Variants in GLI3 observed in about 807,000 individuals in gnomAD.
GLI3 encodes transcription activator GLI3.
A neutral mutation model predicts 100.8 loss-of-function variants in GLI3; 20 were observed. That is an observed-to-expected ratio of 0.20 (90% confidence interval 0.14 to 0.29). The LOEUF (loss-of-function observed/expected upper bound fraction) is 0.29, where lower values mean the gene tolerates loss of function less well. GLI3 is among the 10% of genes least tolerant of loss of function. The pLI is 1.00. For missense variants in GLI3, 2,040 were observed against 2,128.5 expected (o/e 0.96, Z 0.82); for synonymous variants, 938 against 860.5 (o/e 1.09, Z -1.58).
intron 2 of GLI3, among the ~76,000 whole-genome samples, chr7:42,170,473 G>A (rs188719865): frequency 0.024 from 3,091 of 127,702 alleles, 47 homozygotes; most frequent in Middle Eastern, 0.085. Context: ...CACAATCTCC[G>A]CTCACTGCAA....
At chr7:42,006,268 G>T (rs776094453) in intron 10 of GLI3, among the ~76,000 whole-genome samples, 28 of 152,184 alleles carry the variant, frequency 1.8e-4, no homozygotes, top group Admixed American at 3.3e-4. Flanking sequence ...CAGAGTTAGT[G>T]GGGGCAGTGG....
chr7:42,252,116 G>T (rs1789039036), intron 1 of GLI3, among the ~76,000 whole-genome samples: 1 of 152,150 alleles, frequency 6.6e-6, no homozygotes, highest in African/African-American at 2.4e-5. Flanking sequence ...AGGATAGACT[G>T]GGTAAAGAAA....
chr7:42,105,288 T>C (rs956507600), intron 3 of GLI3, among the ~76,000 whole-genome samples: 11 of 152,202 alleles, frequency 7.2e-5, no homozygotes, highest in African/African-American at 2.7e-4. Flanking sequence ...CTTCTTTTTT[T>C]TTCTGTTTCA....
At chr7:42,045,623 A>G (rs542223101) in intron 5 of GLI3, 93 bp from the exon 6 acceptor site, 191 of 1,111,602 alleles carry the variant, frequency 1.7e-4, no homozygotes, top group Non-Finnish European at 2.5e-4. Flanking sequence ...CACAACCCAC[A>G]TCAGCAATTC....
chr7:42,101,276 C>A (rs904154651), intron 3 of GLI3, among the ~76,000 whole-genome samples: 2 of 152,150 alleles, frequency 1.3e-5, no homozygotes, highest in African/African-American at 4.8e-5. Flanking sequence ...TAACTTCTCT[C>A]CTACTGTATT....
At chr7:42,095,889 G>T (rs1207581355) in intron 3 of GLI3, among the ~76,000 whole-genome samples, 2 of 152,154 alleles carry the variant, frequency 1.3e-5, no homozygotes, top group African/African-American at 4.8e-5. Flanking sequence ...TATCTCCAGG[G>T]AAGGTACAGG....
At position 41,965,571 on chromosome 7, in the gene GLI3, C is replaced by G; in HGVS notation, c.3502G>C (p.Gly1168Arg). 6.2e-7 allele frequency: 1 copy of G among 1,604,930 alleles called. No individual in the cohort carries two copies. The highest frequency in any genetic ancestry group is 8.5e-7 in the Non-Finnish European group (1 of 1,172,778). The stretch of plus-strand genomic sequence containing the variant: ...TTGGAGGAGGACAGGTCGGCGCTTC[C>G]GGAGCTGACTTCGTTCCACTGAATG... Reference protein sequence around the residue: ...LPIQWNEVSSGSADLSSSKLK... With the variant: ...LPIQWNEVSSRSADLSSSKLK... The change falls in exon 15 of 15, where the codon GGA becomes CGA. Residue 1168 changes from glycine (G) to arginine (R), a missense_variant. Gly to Arg is a moderately radical substitution (Grantham distance 125). This residue lies in a region of GLI3 where 1,041 missense variants were observed against 924.0 expected (regional missense o/e 1.13). Coordinates refer to ENST00000395925, the MANE Select transcript of GLI3 (RefSeq NM_000168.6).
intron 2 of GLI3, among the ~76,000 whole-genome samples, chr7:42,186,566 C>T (rs749124012): frequency 5.3e-5 from 8 of 152,190 alleles, no homozygotes; most frequent in South Asian, 2.1e-4. Context: ...ATGACAACTG[C>T]CCTGCCTGGG....
At chr7:42,025,981 T>C (rs896359593) in intron 8 of GLI3, among the ~76,000 whole-genome samples, 1 of 152,186 alleles carries the variant, frequency 6.6e-6, no homozygotes, top group African/African-American at 2.4e-5. Flanking sequence ...GCTATGCCCA[T>C]GGGAAAATGA....
chr7:42,187,928 G>A (rs182340719), intron 2 of GLI3, among the ~76,000 whole-genome samples: 58 of 147,978 alleles, frequency 3.9e-4, no homozygotes, highest in Admixed American at 3.1e-3. Context: ...GCTCGAACCC[G>A]GGAGGCAGAG....
chr7:42,076,600 C>G, intron 4 of GLI3, 152 bp downstream of exon 4: 1 of 673,054 alleles, frequency 1.5e-6, no homozygotes, highest in Non-Finnish European at 2.7e-6. Flanking sequence ...AGTGAACCCA[C>G]GAACAGATAG....
intron 6 of GLI3, among the ~76,000 whole-genome samples, chr7:42,043,654 G>A (rs1784187581): frequency 6.6e-6 from 1 of 152,144 alleles, no homozygotes; most frequent in Non-Finnish European, 1.5e-5. Context: ...CCTACTTAAT[G>A]ACAATCAATT....
intron 1 of GLI3, among the ~76,000 whole-genome samples, chr7:42,224,171 G>T (rs1788542347): frequency 6.6e-6 from 1 of 152,128 alleles, no homozygotes; most frequent in South Asian, 2.1e-4. Flanking sequence ...CACCTACAAA[G>T]AATACAAGAA....
chr7:42,203,914 G>A (rs947920021), intron 2 of GLI3, among the ~76,000 whole-genome samples: 4 of 152,162 alleles, frequency 2.6e-5, no homozygotes, highest in East Asian at 3.9e-4. Flanking sequence ...CAGGAGAATC[G>A]CTTGAACCCA....
chr7:42,214,655 GA>G (rs903907289), intron 2 of GLI3, among the ~76,000 whole-genome samples: 4 of 147,512 alleles, frequency 2.7e-5, no homozygotes, highest in South Asian at 2.1e-4. Context: ...TTCAAAAAAA[GA>G]AAAAAAAGAC....
In GLI3 at chr7:42,229,004, C is replaced by T. The variant is rs550177425; in HGVS notation, c.-42-5709G>A. Among the ~76,000 whole-genome samples, 3 of 152,268 alleles carry T rather than the reference C, an allele frequency of 2.0e-5. No homozygotes were observed. In the South Asian group the frequency reaches 6.2e-4, roughly 32 times the overall value. On this transcript the variant is annotated intron_variant, in intron 1 of 14. Coordinates refer to ENST00000395925, the MANE Select transcript of GLI3 (RefSeq NM_000168.6). ...AAGTCTCTGCAGTGAAACCTCTAACCCCCATGGGAGCAGGATTCCTTTATC... is the reference window on the plus strand; with the variant it reads ...AAGTCTCTGCAGTGAAACCTCTAACTCCCATGGGAGCAGGATTCCTTTATC...
chr7:42,203,159 A>G (rs1255869571), intron 2 of GLI3, among the ~76,000 whole-genome samples: 4 of 152,246 alleles, frequency 2.6e-5, no homozygotes, highest in Non-Finnish European at 5.9e-5. Flanking sequence ...TGTTTGAAGT[A>G]TACATACACA....
chr7:42,252,824 A>G (rs1454785211), intron 1 of GLI3, among the ~76,000 whole-genome samples: 8 of 152,186 alleles, frequency 5.3e-5, no homozygotes, highest in East Asian at 3.9e-4. Context: ...GGAACTTCCA[A>G]TTAAGAGTTT....
intron 1 of GLI3, among the ~76,000 whole-genome samples, chr7:42,234,147 T>C (rs1251164874): frequency 6.6e-6 from 1 of 152,234 alleles, no homozygotes; most frequent in Non-Finnish European, 1.5e-5. Flanking sequence ...TTCTTGAGGA[T>C]TTCATGACTC....
Sources: allele counts gnomAD v4.1 joint callset (sites outside exome capture counted in the v4.1 genomes callset), GRCh38; gene constraint gnomAD v4.1.1; regional missense constraint gnomAD v4.1.1; transcripts MANE v1.5; gene names NCBI Gene and HGNC (gene_info 2026-07-23, HGNC 2026-07-21).